ADGRG1: variants seen among roughly 807,000 people sequenced by gnomAD.
ADGRG1 encodes adhesion G protein-coupled receptor G1, also known as 7-transmembrane protein with no EGF-like N-terminal domains-1.
Under a neutral mutation model 73.5 loss-of-function variants are expected in ADGRG1, and 53 were observed. The ratio of observed to expected loss-of-function variants is 0.72; its 90% CI spans 0.58 to 0.91. The LOEUF is 0.91. Ranked by LOEUF, ADGRG1 falls within the 40% of genes least tolerant of loss-of-function variation. The pLI is 0.00. For missense variants in ADGRG1, 795 were observed against 871.8 expected, an observed-to-expected ratio of 0.91 and a Z score of 1.11; for synonymous variants, 394 against 374.4, an observed-to-expected ratio of 1.05 and a Z score of -0.60.
chr16:57,621,746 G>A (rs1004133184), intron 2 of ADGRG1: 11 of 460,762 alleles, frequency 2.4e-5, no homozygotes, highest in African/African-American at 2.1e-4. Flanking sequence ...CCTGGCATCC[G>A]AGCAGCTGCC....
intron 1 of ADGRG1, chr16:57,648,603 C>A (rs1373657780): frequency 3.8e-5 from 37 of 984,768 alleles, no homozygotes; most frequent in Non-Finnish European, 4.5e-5. Context: ...TCTTTTAATG[C>A]TGCTCTCAAT....
chr16:57,643,640 T>C, intron 1 of ADGRG1: 1 of 984,990 alleles, frequency 1.0e-6, no homozygotes, highest in Non-Finnish European at 1.2e-6. Flanking sequence ...CCTGGGCACC[T>C]GCCAGCCTCC....
chr16:57,620,820 C>T (rs1199267613), exon 1 of ADGRG1: 4 of 152,252 alleles, frequency 2.6e-5, no homozygotes, highest in Non-Finnish European at 4.4e-5. Context: ...CCAGGCCCCT[C>T]CATGGTGGCT....
intron 12 of ADGRG1, 55 bp from the exon 13 acceptor site, chr16:57,661,642 C>T (rs901436007): frequency 1.6e-5 from 26 of 1,575,960 alleles, no homozygotes; most frequent in African/African-American, 2.7e-5. Flanking sequence ...AACCACAGCC[C>T]AGGAAATGCT....
At chr16:57,662,416 G>GA in intron 13 of ADGRG1, among the ~76,000 whole-genome samples, 1 of 152,132 alleles carries the variant, frequency 6.6e-6, no homozygotes, top group Non-Finnish European at 1.5e-5. Context: ...GAGAGATGGG[G>GA]GGGCCTCCCT....
rs796918822 is a variant in ADGRG1, at chr16:57,645,053, TCATGCA to T, written c.-35-5197_-35-5192del. 7.4e-5 allele frequency: 73 copies of T among 983,574 alleles called. No homozygotes were observed. In the African/African-American group the frequency reaches 1.1e-3, roughly 15 times the overall value. 60.9% of individuals were successfully genotyped at this position (983,574 alleles called of 1,614,324 possible). Reference sequence around the variant, plus strand: ...CACACACTCATGCACATACACACACTCATGCACACGCACACACACCCACATGCCTGT... The same window carrying T: ...CACACACTCATGCACATACACACACTCACGCACACACACCCACATGCCTGT... On this transcript the variant is annotated intron_variant, in intron 1 of 13. Coordinates refer to ENST00000562631, the MANE Select transcript of ADGRG1 (RefSeq NM_201525.4).
upstream of ADGRG1, chr16:57,627,638 G>A (rs78292420): frequency 4.1e-3 from 1,051 of 257,086 alleles, 8 homozygotes; most frequent in African/African-American, 0.022. Context: ...GGTGGTCAGC[G>A]AGTGTAATTA....
At chr16:57,653,897 TCTGTCTGAGTCTCTCGTCCTC>T in intron 4 of ADGRG1, 68 bp from the exon 5 acceptor site, 1 of 1,596,090 alleles carries the variant, frequency 6.3e-7, no homozygotes. Flanking sequence ...TCCCTGTGTC[TCTGTCTGAGTCTCTCGTCCTC>T]CTGCCTCAGT....
chr16:57,656,523 C>T lies in ADGRG1; in HGVS notation c.1073C>T (p.Pro358Leu), dbSNP rs142015112. 1.7e-5 allele frequency: 27 copies of T among 1,612,678 alleles called. No homozygotes were observed. Among genetic ancestry groups the T allele is most frequent in the Middle Eastern group, 3.3e-4 (2 of 6,080 alleles). The change falls in exon 9 of 14, where the codon CCG (proline) becomes CTG (leucine). Residue 358 changes from proline to leucine, a missense_variant. Transcript: ENST00000562631. ...FWVEDPTLSS[P>L]GHWSSAGCET... The stretch of plus-strand genomic sequence containing the variant: ...GCTGTCCCCTCCTCAGTGAGCAGCC[C>T]GGGGCATTGGAGCAGTGCTGGGTGT...
At chr16:57,645,282 G>A (rs972693708) in intron 1 of ADGRG1, 2 of 985,300 alleles carry the variant, frequency 2.0e-6, no homozygotes, top group South Asian at 4.7e-5. Flanking sequence ...CCATTTAAGG[G>A]GAAGGCCTCC....
chr16:57,622,161 A>T (rs2034968819), intron 2 of ADGRG1: 1 of 151,528 alleles, frequency 6.6e-6, no homozygotes, highest in African/African-American at 2.4e-5. Flanking sequence ...CCAGAGAGAG[A>T]GTGGGGAGTT....
chr16:57,650,223 C>T, intron 1 of ADGRG1, 30 bp from the exon 2 acceptor site: 2 of 1,573,932 alleles, frequency 1.3e-6, no homozygotes, highest in East Asian at 2.2e-5. Flanking sequence ...ACAGTCCACA[C>T]TCCCAGCTAA....
intron 1 of ADGRG1, among the ~76,000 whole-genome samples, chr16:57,638,493 A>T (rs1391747893): frequency 1.3e-5 from 2 of 152,134 alleles, no homozygotes; most frequent in Non-Finnish European, 1.5e-5. Context: ...CCGCCCCGGG[A>T]GCTCTAGAAG....
intron 13 of ADGRG1, among the ~76,000 whole-genome samples, chr16:57,662,644 G>A (rs1213307763): frequency 6.6e-6 from 1 of 152,068 alleles, no homozygotes; most frequent in Non-Finnish European, 1.5e-5. Flanking sequence ...GTTGGAACCG[G>A]TTGTGTGTAG....
chr16:57,632,177 T>C (rs561395448), intron 1 of ADGRG1: 2 of 985,460 alleles, frequency 2.0e-6, no homozygotes, highest in East Asian at 2.3e-4. Context: ...GAATTTGGGC[T>C]CTTGTCCCTT....
At chr16:57,623,591 C>A (rs1471887070), upstream of ADGRG1, among the ~76,000 whole-genome samples, 1 of 152,236 alleles carries the variant, frequency 6.6e-6, no homozygotes, top group Non-Finnish European at 1.5e-5. Flanking sequence ...TGAGGATGAC[C>A]TTGCTTCCCC....
intron 1 of ADGRG1, chr16:57,637,470 C>G (rs1401988975): frequency 4.1e-6 from 4 of 985,246 alleles, no homozygotes; most frequent in Admixed American, 1.2e-4. Context: ...GTACCTCCCC[C>G]CAGGTCCCCT....
At chr16:57,652,888 G>GGA in intron 3 of ADGRG1, 1 of 1,227,776 alleles carries the variant, frequency 8.1e-7, no homozygotes, top group South Asian at 1.6e-5. Context: ...TCCCTCCTAA[G>GGA]GAGGCCTGGC....
intron 1 of ADGRG1, chr16:57,637,490 C>T: frequency 1.0e-6 from 1 of 985,372 alleles, no homozygotes; most frequent in African/African-American, 1.7e-5. Flanking sequence ...TGAACCACAG[C>T]CCCTTGCCAG....
Sources: allele counts gnomAD v4.1 joint callset (sites outside exome capture counted in the v4.1 genomes callset), GRCh38; gene constraint gnomAD v4.1.1; transcripts MANE v1.5; gene names NCBI Gene and HGNC (gene_info 2026-07-23, HGNC 2026-07-21).